The following CUX1 variants were observed in gnomAD, a reference collection of about 807,000 sequenced individuals.
CUX1 encodes the protein protein CASP.
In CUX1, 31 loss-of-function variants were observed where a neutral mutation model predicts 158.8. That is an observed-to-expected ratio of 0.20 (90% CI 0.15 to 0.26). CUX1 has a LOEUF of 0.26. Among genes scored for constraint, CUX1 ranks in the 10% least tolerant of loss-of-function variants. CUX1 has a pLI of 1.00. For synonymous variants in CUX1, 879 were observed against 862.1 expected (o/e 1.02, Z -0.34); for missense variants, 1,589 against 2,014.6 (o/e 0.79, Z 4.04).
intron 20 of CUX1, among the ~76,000 whole-genome samples, chr7:102,212,048 G>A (rs548317807): frequency 5.3e-5 from 8 of 152,286 alleles, no homozygotes; most frequent in South Asian, 4.1e-4. Flanking sequence ...GTCACTGTGC[G>A]TGACCTGCTT....
chr7:102,159,617 C>G (rs1790196920), intron 9 of CUX1, among the ~76,000 whole-genome samples: 1 of 151,762 alleles, frequency 6.6e-6, no homozygotes, highest in Non-Finnish European at 1.5e-5. Flanking sequence ...TCCCAGCAGT[C>G]TGGGGGGCCA....
intron 14 of CUX1, among the ~76,000 whole-genome samples, chr7:102,271,812 T>C (rs1791232877): frequency 1.3e-5 from 2 of 152,290 alleles, no homozygotes; most frequent in South Asian, 4.1e-4. Context: ...GACAGATCAC[T>C]TGAGGTTGAG....
chr7:102,259,916 T>G (rs1790264334), downstream of CUX1, among the ~76,000 whole-genome samples: 1 of 151,342 alleles, frequency 6.6e-6, no homozygotes, highest in Non-Finnish European at 1.5e-5. Context: ...GGCAACATAG[T>G]GAGACCCCAT....
intron 8 of CUX1, among the ~76,000 whole-genome samples, chr7:102,131,871 C>T (rs1554497293): frequency 6.6e-6 from 1 of 151,858 alleles, no homozygotes; most frequent in African/African-American, 2.4e-5. Flanking sequence ...GGGGTTTCAC[C>T]ATGTTGGCTA....
At chr7:102,220,204 T>C (rs533877020) in intron 20 of CUX1, among the ~76,000 whole-genome samples, 4 of 152,066 alleles carry the variant, frequency 2.6e-5, no homozygotes, top group African/African-American at 9.6e-5. Flanking sequence ...CTACTAAAAA[T>C]ACAAAAATTA....
In CUX1 at chr7:102,249,039, C is replaced by T. The variant is rs782210507; in HGVS notation, c.4515C>T (p.Phe1505=). ...ASREEPIEWE[F] ...GGGAGGAACCTATCGAATGGGAGTTCTGAGGGGCCGCGGCCCTGGGGCGGG... is the reference window on the plus strand; with the variant it reads ...GGGAGGAACCTATCGAATGGGAGTTTTGAGGGGCCGCGGCCCTGGGGCGGG... The change falls in exon 24 of 24, where the codon TTC becomes TTT. Residue 1505 remains phenylalanine, a synonymous_variant. Coordinates refer to ENST00000292535, the MANE Select transcript of CUX1 (RefSeq NM_181552.4). 4 of 1,334,124 alleles carry T rather than the reference C, an allele frequency of 3.0e-6. No individual in the cohort carries two copies. In the South Asian group the frequency reaches 5.4e-5, roughly 18 times the overall value. 82.6% of individuals were successfully genotyped at this position (1,334,124 alleles called of 1,614,324 possible). A position where few individuals can be genotyped will look rare whatever the true frequency, so the allele number is the denominator to read the frequency against.
chr7:102,077,369 A>G (rs1826876774), intron 4 of CUX1, among the ~76,000 whole-genome samples: 1 of 151,878 alleles, frequency 6.6e-6, no homozygotes, highest in African/African-American at 2.4e-5. Flanking sequence ...AGACGGAGAC[A>G]CTGAAGTAGT....
chr7:102,124,555 G>A (rs1832403262), intron 8 of CUX1, among the ~76,000 whole-genome samples: 1 of 152,180 alleles, frequency 6.6e-6, no homozygotes, highest in Non-Finnish European at 1.5e-5. Context: ...TCTGGGGGAT[G>A]TTACATTAAG....
At chr7:101,828,039 G>T (rs1793578638) in intron 1 of CUX1, among the ~76,000 whole-genome samples, 1 of 149,906 alleles carries the variant, frequency 6.7e-6, no homozygotes, top group South Asian at 2.1e-4. Context: ...TGCGGTGGCG[G>T]ATCTCGACTC....
Position 102,256,580 on chromosome 7 carries a change from A to G in CUX1, c.*7538A>G, listed in dbSNP as rs931310063. 3 of 985,286 alleles carry G rather than the reference A, an allele frequency of 3.0e-6. No homozygotes were observed. Among genetic ancestry groups the G allele is most frequent in the African/African-American group, 1.7e-5 (1 of 57,228 alleles). 61.0% of individuals were successfully genotyped at this position (985,286 alleles called of 1,614,324 possible). ...AGCCACTCAAAAACTGGTGGTCTCT[A>G]TGTGTCTAACTTTTTAAATGAGAGT... On this transcript the variant is annotated 3_prime_UTR_variant, in exon 24 of 24. Coordinates refer to ENST00000292535, the MANE Select transcript of CUX1 (RefSeq NM_181552.4).
At chr7:102,094,868 G>C (rs1554483540) in intron 4 of CUX1, among the ~76,000 whole-genome samples, 1 of 152,128 alleles carries the variant, frequency 6.6e-6, no homozygotes, top group South Asian at 2.1e-4. Flanking sequence ...AAGAGGGGCA[G>C]GCTGAGAAGG....
intron 7 of CUX1, 28 bp from the exon 8 acceptor site, chr7:102,115,179 A>T: frequency 6.3e-7 from 1 of 1,594,482 alleles, no homozygotes; most frequent in Non-Finnish European, 8.6e-7. Flanking sequence ...AATTTCATTT[A>T]AATAGTTAGT....
chr7:102,196,421 T>C (rs1180325618), intron 14 of CUX1, among the ~76,000 whole-genome samples: 1 of 152,226 alleles, frequency 6.6e-6, no homozygotes, highest in African/African-American at 2.4e-5. Context: ...GGCGCAAACA[T>C]GAATGCATGT....
chr7:101,963,074 CT>C (rs2129178663), intron 2 of CUX1, among the ~76,000 whole-genome samples: 1 of 152,320 alleles, frequency 6.6e-6, no homozygotes, highest in African/African-American at 2.4e-5. Context: ...ACAACTTGTG[CT>C]TTTCTGCTTT....
At chr7:101,858,358 ACTTT>A (rs1014182920) in intron 1 of CUX1, among the ~76,000 whole-genome samples, 1 of 152,086 alleles carries the variant, frequency 6.6e-6, no homozygotes, top group Non-Finnish European at 1.5e-5. Context: ...GTTAGGTTTT[ACTTT>A]CTTAGGTCTC....
intron 2 of CUX1, among the ~76,000 whole-genome samples, chr7:102,011,733 C>T (rs1469429280): frequency 6.6e-6 from 1 of 152,116 alleles, no homozygotes; most frequent in Non-Finnish European, 1.5e-5. Context: ...CCGGTGGAGT[C>T]GGTACCTAAC....
At chr7:101,870,202 G>A (rs1798373554) in intron 1 of CUX1, among the ~76,000 whole-genome samples, 2 of 134,326 alleles carry the variant, frequency 1.5e-5, no homozygotes, top group South Asian at 4.6e-4. Flanking sequence ...CACCCAGACC[G>A]TTGTACAGTG....
chr7:101,985,680 C>T (rs1432269930), intron 2 of CUX1, among the ~76,000 whole-genome samples: 1 of 152,172 alleles, frequency 6.6e-6, no homozygotes, highest in Non-Finnish European at 1.5e-5. Flanking sequence ...GTAAAATGTG[C>T]ATAAGAGCAA....
intron 1 of CUX1, among the ~76,000 whole-genome samples, chr7:101,872,445 T>C (rs141087854): frequency 1.7e-3 from 255 of 152,046 alleles, no homozygotes; most frequent in African/African-American, 5.9e-3. Context: ...ATAGAAGGAT[T>C]TTTTTGGGGG....
Sources: gnomAD v4.1 joint callset for allele counts (sites outside exome capture counted in the v4.1 genomes callset) on GRCh38, gnomAD v4.1.1 for gene constraint, MANE v1.5 for transcripts, NCBI Gene and HGNC (gene_info 2026-07-23, HGNC 2026-07-21) for gene names.